VGLL3: variants seen among roughly 807,000 people sequenced by gnomAD.
VGLL3 encodes the protein transcription cofactor vestigial-like protein 3.
A neutral mutation model predicts 29.2 loss-of-function variants in VGLL3; 18 were observed. The ratio of observed to expected loss-of-function variants is 0.62; its 90% confidence interval spans 0.43 to 0.91. The LOEUF (loss-of-function observed/expected upper bound fraction) is 0.91, where lower values mean the gene tolerates loss of function less well. VGLL3 is among the 40% of genes least tolerant of loss of function. VGLL3 has a pLI of 0.00. For synonymous variants in VGLL3, 180 were observed against 151.8 expected (o/e 1.19, Z -1.36); for missense variants, 440 against 413.2 (o/e 1.06, Z -0.56).
At chr3:86,987,300 A>G (rs992069262) in intron 1 of VGLL3, among the ~76,000 whole-genome samples, 1 of 152,192 alleles carries the variant, frequency 6.6e-6, no homozygotes, top group African/African-American at 2.4e-5. Flanking sequence ...GTTTGAAAAA[A>G]CACCTTACAA....
At chr3:86,978,382 T>C in intron 2 of VGLL3, 144 bp downstream of exon 2, 1 of 950,686 alleles carries the variant, frequency 1.1e-6, no homozygotes, top group Non-Finnish European at 1.6e-6. Flanking sequence ...CAGCTGTTTG[T>C]CTGAAAGAAA....
intron 2 of VGLL3, among the ~76,000 whole-genome samples, chr3:86,973,298 T>C (rs1439339177): frequency 1.3e-5 from 2 of 152,200 alleles, no homozygotes; most frequent in Non-Finnish European, 2.9e-5. Flanking sequence ...TAAAATATGA[T>C]TATTAAATGC....
At chr3:86,982,444 C>T (rs1705345838) in intron 1 of VGLL3, among the ~76,000 whole-genome samples, 1 of 149,620 alleles carries the variant, frequency 6.7e-6, no homozygotes, top group South Asian at 2.1e-4. Flanking sequence ...CTGCGTCCAG[C>T]TCTGCTTTTT....
In VGLL3 at chr3:86,945,609, A is replaced by T. The variant is rs1294343608; in HGVS notation, c.*1415T>A. On this transcript the variant is annotated 3_prime_UTR_variant, in exon 4 of 4. Coordinates refer to ENST00000398399, the MANE Select transcript of VGLL3 (RefSeq NM_016206.4). ...TTCTCCTAGCAGTGTCTTAATGATA[A>T]TTTAAACTTTATTTAGATCCTGAGA... 1 of 152,174 alleles carries T rather than the reference A, an allele frequency of 6.6e-6. No individual in the cohort carries two copies. Among genetic ancestry groups the T allele is most frequent in the Admixed American group, 6.5e-5 (1 of 15,280 alleles). 9.4% of individuals were successfully genotyped at this position (152,174 alleles called of 1,614,324 possible). A position where few individuals can be genotyped will look rare whatever the true frequency, so the allele number is the denominator to read the frequency against.
At chr3:86,960,283 C>A (rs1039257116) in intron 3 of VGLL3, among the ~76,000 whole-genome samples, 2 of 151,964 alleles carry the variant, frequency 1.3e-5, no homozygotes, top group Admixed American at 6.6e-5. Context: ...AGTTTACTGG[C>A]CTTAAACCAT....
chr3:86,983,287 G>T (rs550546218), intron 1 of VGLL3, among the ~76,000 whole-genome samples: 1 of 152,112 alleles, frequency 6.6e-6, no homozygotes, highest in African/African-American at 2.4e-5. Flanking sequence ...AAACATGATT[G>T]GAGCTATAAG....
At chr3:86,982,298 C>T (rs1017427636) in intron 1 of VGLL3, among the ~76,000 whole-genome samples, 11 of 152,096 alleles carry the variant, frequency 7.2e-5, no homozygotes, top group African/African-American at 2.7e-4. Flanking sequence ...GTGCCTGCCA[C>T]GATGCCCAGC....
chr3:86,976,810 C>T (rs1485428735), intron 2 of VGLL3, among the ~76,000 whole-genome samples: 1 of 152,152 alleles, frequency 6.6e-6, no homozygotes, highest in Admixed American at 6.5e-5. Flanking sequence ...AGCAAGGTTG[C>T]ATATGCCCAT....
chr3:86,967,168 T>C (rs983851410), intron 3 of VGLL3, among the ~76,000 whole-genome samples: 5 of 152,100 alleles, frequency 3.3e-5, no homozygotes, highest in African/African-American at 1.2e-4. Flanking sequence ...AAGAGCATTG[T>C]TGCTGTTGCC....
intron 1 of VGLL3, among the ~76,000 whole-genome samples, chr3:86,988,640 CAAAAAAAAAAAAA>C (rs869098443): frequency 7.3e-4 from 10 of 13,760 alleles, no homozygotes; most frequent in Non-Finnish European, 2.0e-3. Context: ...TTTACTTGAC[CAAAAAAAAAAAAA>C]AAAAAAAAAA....
intron 3 of VGLL3, among the ~76,000 whole-genome samples, chr3:86,951,748 A>G (rs985265565): frequency 6.7e-6 from 1 of 148,266 alleles, no homozygotes; most frequent in Non-Finnish European, 1.5e-5. Flanking sequence ...AAAAATCTTA[A>G]AGCTCGCCTA....
intron 1 of VGLL3, among the ~76,000 whole-genome samples, chr3:86,984,841 T>C (rs551993974): frequency 6.6e-6 from 1 of 152,172 alleles, no homozygotes; most frequent in Non-Finnish European, 1.5e-5. Context: ...GAGAGCCTCA[T>C]GGTTTATTTA....
chr3:86,969,826 T>G (rs1413928551), intron 2 of VGLL3, among the ~76,000 whole-genome samples: 3 of 152,114 alleles, frequency 2.0e-5, no homozygotes, highest in African/African-American at 4.8e-5. Flanking sequence ...ATGGATAATC[T>G]CATAGGAGTT....
intron 3 of VGLL3, among the ~76,000 whole-genome samples, chr3:86,956,349 G>T (rs977560469): frequency 2.6e-5 from 4 of 152,182 alleles, no homozygotes; most frequent in African/African-American, 9.7e-5. Flanking sequence ...TCCTTCTATA[G>T]TGAGTGAGCA....
intron 3 of VGLL3, among the ~76,000 whole-genome samples, chr3:86,949,776 G>A (rs562314302): frequency 2.7e-5 from 4 of 146,052 alleles, no homozygotes; most frequent in African/African-American, 1.0e-4. Flanking sequence ...ACAGTGAGCC[G>A]AGATCATGCC....
At position 86,945,686 on chromosome 3, in the gene VGLL3, G is replaced by T. The variant is rs1463472256; in HGVS notation, c.*1338C>A. The T allele has an allele frequency of 6.6e-6, 1 of 152,060 alleles. No homozygotes were observed. Among genetic ancestry groups the T allele is most frequent in the East Asian group, 1.9e-4 (1 of 5,186 alleles). 9.4% of individuals were successfully genotyped at this position (152,060 alleles called of 1,614,324 possible). On this transcript the variant is annotated 3_prime_UTR_variant, in exon 4 of 4. Transcript: ENST00000398399. The stretch of plus-strand genomic sequence containing the variant: ...TTTAATTTTTAGCCCAATTTAAATT[G>T]TATATAACCTCTGGTTTTATTTTTA...
At chr3:86,977,580 ACT>A (rs1279906509) in intron 2 of VGLL3, among the ~76,000 whole-genome samples, 1 of 152,178 alleles carries the variant, frequency 6.6e-6, no homozygotes, top group Admixed American at 6.5e-5. Context: ...TGATTATCAA[ACT>A]CTGCACTGGA....
At chr3:86,982,178 CTT>C (rs767804476) in intron 1 of VGLL3, among the ~76,000 whole-genome samples, 2 of 151,976 alleles carry the variant, frequency 1.3e-5, no homozygotes, top group South Asian at 4.2e-4. Flanking sequence ...GACTTTTGCT[CTT>C]GTTGCCCAGG....
In VGLL3 at chr3:86,957,560, A is replaced by G. The variant is rs564168140; in HGVS notation, c.938-10493T>C. On this transcript the variant is annotated intron_variant, in intron 3 of 3. Transcript: ENST00000398399. ...GGAGGAAGTGTCCTCTCCATTTTGC[A>G]TCTAAGGAAGAGGAGGAGCTGAGGG... 1.9e-3 allele frequency among the ~76,000 whole-genome samples: 292 copies of G among 152,292 alleles called. 1 individual carries two copies. The highest frequency in any genetic ancestry group is 6.7e-3 in the African/African-American group (277 of 41,576).
Sources: gnomAD v4.1 joint callset for allele counts (sites outside exome capture counted in the v4.1 genomes callset) on GRCh38, gnomAD v4.1.1 for gene constraint, MANE v1.5 for transcripts, NCBI Gene and HGNC (gene_info 2026-07-23, HGNC 2026-07-21) for gene names.